The following EYS variants were observed in gnomAD, a reference collection of about 807,000 sequenced individuals.
The protein encoded by EYS is EGF-like photoreceptor maintenance factor.
Under a neutral mutation model 282.1 loss-of-function variants are expected in EYS, and 250 were observed. The ratio of observed to expected loss-of-function variants is 0.89; its 90% CI spans 0.80 to 0.98. The LOEUF (loss-of-function observed/expected upper bound fraction) is 0.98, where lower values mean the gene tolerates loss of function less well. EYS is among the 50% of genes least tolerant of loss of function. The pLI, the probability that EYS is intolerant of heterozygous loss-of-function variation, is 0.00. For missense variants in EYS, 4,016 were observed against 3,709.0 expected (o/e 1.08, Z -2.15); for synonymous variants, 1,355 against 1,282.9 (o/e 1.06, Z -1.20).
chr6:64,366,689 A>G (rs1772192408), intron 29 of EYS, among the ~76,000 whole-genome samples: 1 of 152,080 alleles, frequency 6.6e-6, no homozygotes, highest in Non-Finnish European at 1.5e-5. Context: ...TTGCTATTGA[A>G]GGCCAGAGAA....
intron 33 of EYS, among the ~76,000 whole-genome samples, chr6:64,064,683 C>T (rs747215090): frequency 6.6e-6 from 1 of 152,104 alleles, no homozygotes; most frequent in Non-Finnish European, 1.5e-5. Context: ...GAGGACTGCT[C>T]TATTAAGTTA....
chr6:64,920,651 A>G (rs1036365711), intron 15 of EYS, among the ~76,000 whole-genome samples: 3 of 152,182 alleles, frequency 2.0e-5, no homozygotes, highest in Admixed American at 1.3e-4. Flanking sequence ...ATGCAAGTAT[A>G]ATATCCATAC....
At chr6:64,422,725 GGAGT>G (rs1774275260) in intron 28 of EYS, among the ~76,000 whole-genome samples, 1 of 152,098 alleles carries the variant, frequency 6.6e-6, no homozygotes, top group South Asian at 2.1e-4. Context: ...TTAGAACGAT[GGAGT>G]GAGAGGTTAA....
chr6:64,804,589 A>C (rs1388173770), intron 22 of EYS, among the ~76,000 whole-genome samples: 1 of 152,110 alleles, frequency 6.6e-6, no homozygotes, highest in Non-Finnish European at 1.5e-5. Flanking sequence ...CAAGAAATAC[A>C]GAATTGTAAT....
chr6:65,426,621 A>G (rs1449739125), intron 5 of EYS, among the ~76,000 whole-genome samples: 5 of 152,208 alleles, frequency 3.3e-5, no homozygotes, highest in South Asian at 4.1e-4. Flanking sequence ...CTTTTTGTCT[A>G]TCAAAGCTGA....
At chr6:64,170,341 G>T (rs992662936) in intron 31 of EYS, among the ~76,000 whole-genome samples, 1 of 152,110 alleles carries the variant, frequency 6.6e-6, no homozygotes, top group African/African-American at 2.4e-5. Flanking sequence ...TATTTGTTAT[G>T]GCTGCGGTAA....
intron 22 of EYS, chr6:64,733,778 T>G (rs962166630): frequency 6.1e-6 from 1 of 164,520 alleles, no homozygotes; most frequent in Non-Finnish European, 1.3e-5. Flanking sequence ...CCACCAAGAC[T>G]GCAAACAAAG....
intron 12 of EYS, among the ~76,000 whole-genome samples, chr6:65,101,018 A>T (rs1389401084): frequency 6.6e-6 from 1 of 151,190 alleles, no homozygotes; most frequent in East Asian, 1.9e-4. Flanking sequence ...TGAGTAATAA[A>T]TATTAGTCAG....
At chr6:64,134,199 A>C (rs962037909) in intron 31 of EYS, among the ~76,000 whole-genome samples, 6 of 152,074 alleles carry the variant, frequency 3.9e-5, no homozygotes, top group African/African-American at 1.2e-4. Context: ...TTCACTAAGA[A>C]ACTACTGGCC....
intron 22 of EYS, among the ~76,000 whole-genome samples, chr6:64,716,866 G>C (rs2149939522): frequency 1.3e-5 from 2 of 152,252 alleles, no homozygotes; most frequent in Middle Eastern, 3.4e-3. Flanking sequence ...GCCTTTGTTG[G>C]ATAGCTGGTT....
At chr6:65,107,236 C>T (rs1362409545) in intron 12 of EYS, among the ~76,000 whole-genome samples, 2 of 151,286 alleles carry the variant, frequency 1.3e-5, no homozygotes, top group African/African-American at 2.4e-5. Flanking sequence ...AAATACATTT[C>T]CTTGGGAGTC....
chr6:64,911,164 G>T (rs1767980393), intron 16 of EYS, among the ~76,000 whole-genome samples: 1 of 152,016 alleles, frequency 6.6e-6, no homozygotes, highest in Non-Finnish European at 1.5e-5. Context: ...CTCAGTGCTT[G>T]CTAAAAGGAA....
chr6:64,296,990 T>A (rs1769053249), intron 30 of EYS, among the ~76,000 whole-genome samples: 1 of 152,130 alleles, frequency 6.6e-6, no homozygotes, highest in Non-Finnish European at 1.5e-5. Context: ...TAAATTAAAT[T>A]GTGATTAATT....
chr6:65,574,026 G>A (rs1302555588), intron 2 of EYS, among the ~76,000 whole-genome samples: 1 of 152,120 alleles, frequency 6.6e-6, no homozygotes, highest in Non-Finnish European at 1.5e-5. Flanking sequence ...AATCATCCAT[G>A]CCTCACAGAC....
intron 2 of EYS, among the ~76,000 whole-genome samples, chr6:65,635,960 C>T (rs1333352792): frequency 6.6e-6 from 1 of 152,182 alleles, no homozygotes; most frequent in Non-Finnish European, 1.5e-5. Context: ...AAACTGCTAA[C>T]CTAAAAGCCT....
intron 28 of EYS, among the ~76,000 whole-genome samples, chr6:64,395,592 T>C (rs958531099): frequency 1.8e-4 from 24 of 133,230 alleles, no homozygotes; most frequent in African/African-American, 4.7e-4. Flanking sequence ...TGAGATCACA[T>C]GGACACAGGA....
intron 7 of EYS, among the ~76,000 whole-genome samples, chr6:65,391,320 G>T (rs2150356460): frequency 6.6e-6 from 1 of 152,152 alleles, no homozygotes; most frequent in African/African-American, 2.4e-5. Context: ...ATTTTTAATA[G>T]TTATATAGTT....
intron 31 of EYS, among the ~76,000 whole-genome samples, chr6:64,191,178 T>A (rs1765092046): frequency 6.6e-6 from 1 of 152,128 alleles, no homozygotes; most frequent in Non-Finnish European, 1.5e-5. Flanking sequence ...GTGTTAAAGT[T>A]CTTAATGCAT....
chr6:64,387,651 C>G (rs1240143555), intron 29 of EYS, among the ~76,000 whole-genome samples: 1 of 151,982 alleles, frequency 6.6e-6, no homozygotes, highest in Non-Finnish European at 1.5e-5. Context: ...TATCATGGAA[C>G]TTTTAGAATG....
Sources: gnomAD v4.1 joint callset for allele counts (sites outside exome capture counted in the v4.1 genomes callset) on GRCh38, gnomAD v4.1.1 for gene constraint, MANE v1.5 for transcripts, NCBI Gene and HGNC (gene_info 2026-07-23, HGNC 2026-07-21) for gene names.